Variants in RNF115 observed in about 807,000 individuals in gnomAD.
The protein encoded by RNF115 is ring finger protein 115.
RNF115 carries 31 observed loss-of-function variants against 39.2 expected under a neutral mutation model. The observed-to-expected ratio is 0.79, with a 90% CI of 0.59 to 1.07. The LOEUF (loss-of-function observed/expected upper bound fraction) is 1.07, where lower values mean the gene tolerates loss of function less well. Ranked by LOEUF, RNF115 falls within the 50% of genes least tolerant of loss-of-function variation. The pLI is 0.00. For synonymous variants in RNF115, 124 were observed against 131.0 expected (o/e 0.95, Z 0.37); for missense variants, 384 against 381.7 (o/e 1.01, Z -0.05).
intron 1 of RNF115, among the ~76,000 whole-genome samples, chr1:145,799,037 T>G (rs1553720472): frequency 6.6e-6 from 1 of 152,034 alleles, no homozygotes; most frequent in African/African-American, 2.4e-5. Flanking sequence ...ATTTATTAGT[T>G]ATAACAGGGT....
At chr1:145,807,253 T>C (rs150598796) in intron 1 of RNF115, among the ~76,000 whole-genome samples, 16 of 152,324 alleles carry the variant, frequency 1.1e-4, no homozygotes, top group African/African-American at 3.8e-4. Flanking sequence ...CACTCAGGAA[T>C]AGAAATAGAT....
intron 3 of RNF115, 67 bp from the exon 4 acceptor site, chr1:145,771,986 GT>G: frequency 7.8e-7 from 1 of 1,280,450 alleles, no homozygotes; most frequent in Non-Finnish European, 1.1e-6. Flanking sequence ...ATTGTTTACA[GT>G]TTTTTATATT....
At chr1:145,811,367 A>AAAC (rs1649690529) in intron 1 of RNF115, among the ~76,000 whole-genome samples, 1 of 148,182 alleles carries the variant, frequency 6.7e-6, no homozygotes, top group African/African-American at 2.5e-5. Context: ...AAAAAAAAAA[A>AAAC]AAAAAAAAGA....
At chr1:145,758,445 A>G (rs1409675647) in intron 4 of RNF115, among the ~76,000 whole-genome samples, 1 of 152,226 alleles carries the variant, frequency 6.6e-6, no homozygotes, top group Non-Finnish European at 1.5e-5. Context: ...GCCCTTCACC[A>G]GAACCATCTA....
intron 1 of RNF115, among the ~76,000 whole-genome samples, chr1:145,790,345 G>A (rs1648605407): frequency 6.6e-6 from 1 of 151,950 alleles, no homozygotes; most frequent in Non-Finnish European, 1.5e-5. Context: ...TCTCCATGTT[G>A]GTCAGGCTGG....
At chr1:145,767,149 G>A (rs1363936031) in intron 4 of RNF115, among the ~76,000 whole-genome samples, 5 of 150,480 alleles carry the variant, frequency 3.3e-5, no homozygotes, top group African/African-American at 7.3e-5. Context: ...GGCGGCTGCC[G>A]GGCGGAGGGG....
chr1:145,761,442 T>A (rs1553713824), intron 4 of RNF115, among the ~76,000 whole-genome samples: 1 of 152,192 alleles, frequency 6.6e-6, no homozygotes, highest in Non-Finnish European at 1.5e-5. Flanking sequence ...GTGCCCTGTG[T>A]CCCAGTTGCT....
chr1:145,765,550 C>T (rs1029082067), intron 4 of RNF115, among the ~76,000 whole-genome samples: 3 of 152,136 alleles, frequency 2.0e-5, no homozygotes, highest in African/African-American at 7.2e-5. Flanking sequence ...ACTAAACAAC[C>T]ATCTGATTGC....
intron 1 of RNF115, among the ~76,000 whole-genome samples, chr1:145,807,134 G>A (rs1649497068): frequency 6.6e-6 from 1 of 152,204 alleles, no homozygotes; most frequent in Admixed American, 6.5e-5. Context: ...GCATAATCTA[G>A]TGCCTGTTAT....
At chr1:145,781,456 G>A (rs1648143393) in intron 3 of RNF115, among the ~76,000 whole-genome samples, 1 of 152,050 alleles carries the variant, frequency 6.6e-6, no homozygotes, top group South Asian at 2.1e-4. Flanking sequence ...ATACTATTTT[G>A]AGATAATTTT....
At chr1:145,817,650 C>A (rs1650049596) in intron 1 of RNF115, among the ~76,000 whole-genome samples, 1 of 79,110 alleles carries the variant, frequency 1.3e-5, no homozygotes, top group Non-Finnish European at 2.4e-5. Context: ...ACATTTGTTA[C>A]ACGGACAAAC....
chr1:145,816,350 A>G (rs1649991777), intron 1 of RNF115, among the ~76,000 whole-genome samples: 1 of 25,832 alleles, frequency 3.9e-5, no homozygotes, highest in Non-Finnish European at 7.9e-5. Context: ...CCAAAGTGCT[A>G]GGATTACAGG....
chr1:145,756,397 T>G (rs1170884601), intron 4 of RNF115, among the ~76,000 whole-genome samples: 5 of 151,942 alleles, frequency 3.3e-5, no homozygotes, highest in Admixed American at 2.6e-4. Context: ...GACACGGACG[T>G]TGCACTGAGC....
chr1:145,763,235 A>G (rs587627397), intron 4 of RNF115, among the ~76,000 whole-genome samples: 2 of 152,352 alleles, frequency 1.3e-5, no homozygotes, highest in Admixed American at 1.3e-4. Context: ...TAAATTTTTA[A>G]AAGAACGTAT....
intron 4 of RNF115, among the ~76,000 whole-genome samples, chr1:145,766,882 C>T (rs1455544291): frequency 5.0e-5 from 3 of 59,416 alleles, no homozygotes; most frequent in African/African-American, 6.4e-5. Context: ...CCAGTAGGGG[C>T]GGCCAGGCAG....
At chr1:145,774,040 G>A (rs1647768007) in intron 3 of RNF115, among the ~76,000 whole-genome samples, 1 of 152,064 alleles carries the variant, frequency 6.6e-6, no homozygotes, top group Non-Finnish European at 1.5e-5. Flanking sequence ...CCTTTCTTCT[G>A]GCGAAGTATT....
intron 4 of RNF115, among the ~76,000 whole-genome samples, chr1:145,768,608 C>G (rs970195366): frequency 5.3e-5 from 8 of 152,114 alleles, no homozygotes; most frequent in African/African-American, 7.2e-5. Context: ...GCCACCGCAC[C>G]CGGCCATTAA....
chr1:145,793,045 G>A (rs1459648549), intron 1 of RNF115, among the ~76,000 whole-genome samples: 4 of 152,202 alleles, frequency 2.6e-5, no homozygotes, highest in Non-Finnish European at 4.4e-5. Flanking sequence ...CTGGTCAGGC[G>A]TGGTGGCTCA....
chr1:145,750,365 C>G, intron 7 of RNF115, 42 bp downstream of exon 7: 1 of 1,454,180 alleles, frequency 6.9e-7, no homozygotes, highest in Non-Finnish European at 9.6e-7. Context: ...GATTTTGAAC[C>G]GAGATCAGAA....
Sources: allele counts gnomAD v4.1 joint callset (sites outside exome capture counted in the v4.1 genomes callset), GRCh38; gene constraint gnomAD v4.1.1; transcripts MANE v1.5; gene names NCBI Gene and HGNC (gene_info 2026-07-23, HGNC 2026-07-21).